Variants in APBB2 observed in about 807,000 individuals in gnomAD.
APBB2 encodes the protein Fe65-like 1.
In APBB2, 38 loss-of-function variants were observed where a neutral mutation model predicts 82.5. The ratio of observed to expected loss-of-function variants is 0.46; its 90% CI spans 0.36 to 0.60. The LOEUF (loss-of-function observed/expected upper bound fraction) is 0.60. APBB2 is among the 20% of genes least tolerant of loss of function. The pLI, the probability that APBB2 is intolerant of heterozygous loss-of-function variation, is 0.00. For synonymous variants in APBB2, 341 were observed against 368.2 expected (o/e 0.93, Z 0.85); for missense variants, 772 against 972.3 (o/e 0.79, Z 2.74).
At chr4:40,869,917 C>A (rs548794562) in intron 12 of APBB2, among the ~76,000 whole-genome samples, 1 of 151,676 alleles carries the variant, frequency 6.6e-6, no homozygotes, top group Non-Finnish European at 1.5e-5. Context: ...GCCCCAGTCA[C>A]CCCATTCTGC....
At chr4:41,192,050 T>A (rs529516693) in intron 1 of APBB2, among the ~76,000 whole-genome samples, 1 of 152,120 alleles carries the variant, frequency 6.6e-6, no homozygotes, top group Admixed American at 6.6e-5. Context: ...CAATTAATCA[T>A]CAAGGAAATG....
intron 13 of APBB2, among the ~76,000 whole-genome samples, chr4:40,828,582 T>A (rs1750759266): frequency 6.6e-6 from 1 of 150,454 alleles, no homozygotes; most frequent in South Asian, 2.1e-4. Flanking sequence ...GGGCAAGGAC[T>A]TTTTTTTTTC....
At chr4:41,088,277 T>C (rs1181469439) in intron 3 of APBB2, among the ~76,000 whole-genome samples, 3 of 152,146 alleles carry the variant, frequency 2.0e-5, no homozygotes, top group African/African-American at 7.3e-5. Context: ...TACCTTAGTC[T>C]GTTGGTGAAA....
At chr4:40,885,933 C>CT (rs879550800) in intron 12 of APBB2, among the ~76,000 whole-genome samples, 59 of 148,008 alleles carry the variant, frequency 4.0e-4, no homozygotes, top group Middle Eastern at 3.5e-3. Context: ...ACTATAGAAT[C>CT]TTTTTTTTTT....
intron 2 of APBB2, among the ~76,000 whole-genome samples, chr4:41,130,102 C>T (rs1451758942): frequency 6.6e-6 from 1 of 152,106 alleles, no homozygotes; most frequent in Non-Finnish European, 1.5e-5. Flanking sequence ...ATGCAATGGC[C>T]CTGAGGCAGA....
At chr4:40,877,805 G>A (rs1472680460) in intron 12 of APBB2, among the ~76,000 whole-genome samples, 1 of 152,198 alleles carries the variant, frequency 6.6e-6, no homozygotes, top group African/African-American at 2.4e-5. Context: ...TTAGGGATCA[G>A]GGAGGTAGGA....
chr4:41,014,883 G>A (rs1474860498), intron 5 of APBB2, among the ~76,000 whole-genome samples: 1 of 152,106 alleles, frequency 6.6e-6, no homozygotes, highest in African/African-American at 2.4e-5. Flanking sequence ...ATACATCCAA[G>A]GTAATTTTTC....
chr4:41,069,563 C>G (rs1733124851), intron 3 of APBB2, among the ~76,000 whole-genome samples: 1 of 152,190 alleles, frequency 6.6e-6, no homozygotes, highest in South Asian at 2.1e-4. Context: ...AGAACCAATG[C>G]TATCTGCACT....
At chr4:41,030,570 C>G (rs1716360284) in intron 5 of APBB2, among the ~76,000 whole-genome samples, 1 of 152,132 alleles carries the variant, frequency 6.6e-6, no homozygotes, top group Non-Finnish European at 1.5e-5. Context: ...TAGCTCTCTT[C>G]CCTGCTCAAT....
chr4:40,985,815 A>G (rs1800273313), intron 6 of APBB2, among the ~76,000 whole-genome samples: 1 of 152,214 alleles, frequency 6.6e-6, no homozygotes, highest in African/African-American at 2.4e-5. Context: ...AAAGCTGGGG[A>G]AAAAGATGAG....
intron 12 of APBB2, among the ~76,000 whole-genome samples, chr4:40,866,717 ATTATT>A (rs1209669959): frequency 2.0e-5 from 3 of 151,902 alleles, no homozygotes; most frequent in Non-Finnish European, 2.9e-5. Flanking sequence ...GTGTCCTTTT[ATTATT>A]TTATTTTATT....
intron 1 of APBB2, among the ~76,000 whole-genome samples, chr4:41,186,559 G>A (rs1772963255): frequency 1.3e-5 from 2 of 151,534 alleles, no homozygotes; most frequent in Admixed American, 6.6e-5. Context: ...AAAAAATGCA[G>A]AGTCTATACA....
intron 1 of APBB2, among the ~76,000 whole-genome samples, chr4:41,209,640 T>C (rs1044337976): frequency 4.6e-5 from 7 of 152,206 alleles, no homozygotes; most frequent in African/African-American, 1.7e-4. Flanking sequence ...TCTCAGACTA[T>C]CTGTGTGCTC....
At chr4:40,854,057 A>G (rs530056469) in intron 12 of APBB2, among the ~76,000 whole-genome samples, 2 of 152,328 alleles carry the variant, frequency 1.3e-5, no homozygotes, top group South Asian at 4.1e-4. Context: ...TCTGCCGAAC[A>G]GCATATTAAC....
In APBB2 at chr4:40,946,254, A is replaced by AAAAAAAAAAAAAAAAAAAC. The variant is rs1553875174; in HGVS notation, c.836-1182_836-1181insGTTTTTTTTTTTTTTTTTT. Among the ~76,000 whole-genome samples the AAAAAAAAAAAAAAAAAAAC allele has an allele frequency of 7.2e-3, 825 of 114,440 alleles. 97 individuals are homozygous for AAAAAAAAAAAAAAAAAAAC. Among genetic ancestry groups the AAAAAAAAAAAAAAAAAAAC allele is most frequent in the Non-Finnish European group, 0.01 (565 of 53,970 alleles). 75.1% of individuals were successfully genotyped at this position (114,440 alleles called of 152,430 possible). Reference sequence around the variant, plus strand: ...CTCCAAAAAAAAAAAAAAAAAAAAAACATTCCCAAGGAAAGCAGATTGGAA... The same window carrying AAAAAAAAAAAAAAAAAAAC: ...CTCCAAAAAAAAAAAAAAAAAAAAAAAAAAAAAAAAAAAAAAAACCATTCCCAAGGAAAGCAGATTGGAA... On this transcript the variant is annotated intron_variant, in intron 6 of 17. Transcript: ENST00000508593.
chr4:40,984,480 G>C (rs943050055), intron 6 of APBB2, among the ~76,000 whole-genome samples: 2 of 152,178 alleles, frequency 1.3e-5, no homozygotes, highest in African/African-American at 2.4e-5. Context: ...CTCCACCAAA[G>C]AAAGGAAGGG....
chr4:40,856,923 G>A, intron 12 of APBB2: 1 of 983,378 alleles, frequency 1.0e-6, no homozygotes, highest in Non-Finnish European at 1.2e-6. Context: ...CAGGTCTCCC[G>A]CGCCCGCCTC....
intron 2 of APBB2, among the ~76,000 whole-genome samples, chr4:41,136,528 A>G (rs1757607692): frequency 6.6e-6 from 1 of 152,222 alleles, no homozygotes; most frequent in Non-Finnish European, 1.5e-5. Flanking sequence ...AGGGCCAGGT[A>G]ACACACATGT....
intron 6 of APBB2, among the ~76,000 whole-genome samples, chr4:40,967,386 G>A (rs7694778): frequency 0.23 from 35,219 of 152,148 alleles, 4,548 homozygotes; most frequent in African/African-American, 0.31. Context: ...GAGAAAAAGA[G>A]CTGCAGCCTT....
Sources: allele counts gnomAD v4.1 joint callset (sites outside exome capture counted in the v4.1 genomes callset), GRCh38; gene constraint gnomAD v4.1.1; transcripts MANE v1.5; gene names NCBI Gene and HGNC (gene_info 2026-07-23, HGNC 2026-07-21).